The following HSD17B11 variants were observed in gnomAD, a reference collection of about 807,000 sequenced individuals.
HSD17B11 encodes estradiol 17-beta-dehydrogenase 11.
A neutral mutation model predicts 27.8 loss-of-function variants in HSD17B11; 22 were observed. That is an observed-to-expected ratio of 0.79 (90% CI 0.56 to 1.13). The LOEUF is 1.13. Ranked by LOEUF, HSD17B11 falls within the 50% of genes most tolerant of loss-of-function variation. The pLI is 0.00. For synonymous variants in HSD17B11, 117 were observed against 132.8 expected (o/e 0.88, Z 0.82); for missense variants, 314 against 351.1 (o/e 0.89, Z 0.84).
chr4:87,370,573 C>T (rs998860118), intron 4 of HSD17B11, among the ~76,000 whole-genome samples: 1 of 148,076 alleles, frequency 6.8e-6, no homozygotes, highest in Admixed American at 6.7e-5. Flanking sequence ...GTACCACACA[C>T]CCAGCTAATT....
chr4:87,358,024 C>T (rs1269009166), intron 4 of HSD17B11, among the ~76,000 whole-genome samples: 22 of 126,064 alleles, frequency 1.7e-4, no homozygotes, highest in African/African-American at 6.3e-4. Flanking sequence ...TGCGGTGGTG[C>T]GATCTCGGCT....
At chr4:87,337,946 G>A (rs1560756361) in intron 6 of HSD17B11, among the ~76,000 whole-genome samples, 1 of 152,214 alleles carries the variant, frequency 6.6e-6, no homozygotes, top group Non-Finnish European at 1.5e-5. Context: ...GGCCTGGCGT[G>A]GTGGCTCACG....
chr4:87,357,189 G>A, intron 5 of HSD17B11, 90 bp downstream of exon 5: 2 of 1,344,954 alleles, frequency 1.5e-6, no homozygotes, highest in Admixed American at 2.6e-5. Context: ...ACTATCAGGT[G>A]TTTTCAGGAT....
intron 4 of HSD17B11, among the ~76,000 whole-genome samples, chr4:87,358,249 C>T (rs1308681140): frequency 1.3e-5 from 2 of 152,160 alleles, no homozygotes; most frequent in Non-Finnish European, 2.9e-5. Flanking sequence ...GCGTGAGCCA[C>T]CACGCCCAGC....
chr4:87,340,149 A>G lies in HSD17B11; in HGVS notation c.812+341T>C, dbSNP rs144246615. The stretch of plus-strand genomic sequence containing the variant: ...TGTTGTATCTTTAAATAAATACCTA[A>G]AACCTAACTCTGGTCTCCTTTAATA... On this transcript the variant is annotated intron_variant, in intron 6 of 6. Coordinates refer to ENST00000358290, the MANE Select transcript of HSD17B11 (RefSeq NM_016245.5). Among the ~76,000 whole-genome samples, 659 of 152,322 alleles carry G rather than the reference A, an allele frequency of 4.3e-3. 4 individuals carry two copies. Among genetic ancestry groups the G allele is most frequent in the African/African-American group, 0.015 (624 of 41,568 alleles).
At chr4:87,346,336 G>C (rs1735269870) in intron 5 of HSD17B11, among the ~76,000 whole-genome samples, 1 of 152,166 alleles carries the variant, frequency 6.6e-6, no homozygotes, top group Admixed American at 6.5e-5. Context: ...GAGTAGCAAA[G>C]ATAGTAGGAT....
intron 6 of HSD17B11, 39 bp from the exon 7 acceptor site, chr4:87,337,405 A>G (rs1735074357): frequency 3.5e-6 from 4 of 1,137,466 alleles, no homozygotes; most frequent in Non-Finnish European, 5.3e-6. Context: ...GAAAATTAAT[A>G]TTAAGTGCAT....
chr4:87,388,811 T>C (rs1399887502), intron 1 of HSD17B11, among the ~76,000 whole-genome samples: 2 of 152,238 alleles, frequency 1.3e-5, no homozygotes, highest in Non-Finnish European at 2.9e-5. Flanking sequence ...GATAAATGCA[T>C]GTCACTGAAG....
intron 4 of HSD17B11, among the ~76,000 whole-genome samples, chr4:87,367,135 A>C (rs1305003262): frequency 6.6e-6 from 1 of 152,232 alleles, no homozygotes; most frequent in African/African-American, 2.4e-5. Context: ...TGTTTGTATA[A>C]GTGCAACAAA....
intron 1 of HSD17B11, among the ~76,000 whole-genome samples, chr4:87,385,042 T>C (rs528875743): frequency 8.9e-4 from 135 of 152,254 alleles, no homozygotes; most frequent in Non-Finnish European, 1.7e-3. Flanking sequence ...CATTGAAATA[T>C]TGGGGGCAGG....
chr4:87,346,046 G>T (rs180869383), intron 5 of HSD17B11, among the ~76,000 whole-genome samples: 20 of 152,058 alleles, frequency 1.3e-4, no homozygotes, highest in African/African-American at 4.8e-4. Flanking sequence ...CTCAACAAAA[G>T]ATTGGCAAAT....
intron 2 of HSD17B11, among the ~76,000 whole-genome samples, chr4:87,379,671 T>G (rs1720076588): frequency 7.0e-6 from 1 of 143,396 alleles, no homozygotes; most frequent in Non-Finnish European, 1.5e-5. Context: ...TATATATTAA[T>G]AGTATAATAT....
At chr4:87,367,926 T>C (rs1735638300) in intron 4 of HSD17B11, among the ~76,000 whole-genome samples, 1 of 152,260 alleles carries the variant, frequency 6.6e-6, no homozygotes, top group Admixed American at 6.5e-5. Flanking sequence ...ATGGAATATA[T>C]TGCTGTTATA....
chr4:87,354,111 C>A (rs11939415), intron 5 of HSD17B11, among the ~76,000 whole-genome samples: 26,593 of 152,068 alleles, frequency 0.17, 2,505 homozygotes, highest in African/African-American at 0.23. Flanking sequence ...ATTTTAAAGA[C>A]TGTTTGATAG....
chr4:87,378,942 A>T lies in HSD17B11; in HGVS notation c.318+3313T>A, dbSNP rs1414345961. ...TAAATATATATAAATATATATATAT[A>T]TATATTTATATATATATATTTTTTT... On this transcript the variant is annotated intron_variant, in intron 2 of 6. Transcript: ENST00000358290. 3.3e-3 allele frequency among the ~76,000 whole-genome samples: 64 copies of T among 19,204 alleles called. 2 individuals carry two copies. Among genetic ancestry groups the T allele is most frequent in the Middle Eastern group, 0.013 (1 of 76 alleles). 12.6% of individuals were successfully genotyped at this position (19,204 alleles called of 152,430 possible). A position where few individuals can be genotyped will look rare whatever the true frequency, so the allele number is the denominator to read the frequency against.
At chr4:87,372,651 GA>G in intron 4 of HSD17B11, 57 bp downstream of exon 4, 1 of 1,045,416 alleles carries the variant, frequency 9.6e-7, no homozygotes, top group Admixed American at 1.8e-5. Flanking sequence ...GACAGGGTAA[GA>G]AATCTCACAC....
intron 2 of HSD17B11, among the ~76,000 whole-genome samples, chr4:87,378,238 T>A (rs1735882697): frequency 6.6e-6 from 1 of 152,250 alleles, no homozygotes; most frequent in Non-Finnish European, 1.5e-5. Context: ...CTATTTTATA[T>A]TACCAAAGGA....
At chr4:87,378,905 AATATATATATATAAATATATATAAAT>A (rs1435431282) in intron 2 of HSD17B11, among the ~76,000 whole-genome samples, 620 of 12,322 alleles carry the variant, frequency 0.05, 82 homozygotes, top group Admixed American at 0.13. Context: ...AATATATATA[AATATATATATATAAATATATATAAAT>A]ATATATATAT....
In HSD17B11 at chr4:87,370,428, A is replaced by T. The variant is rs112590010; in HGVS notation, c.557+2281T>A. On this transcript the variant is annotated intron_variant, in intron 4 of 6. Transcript: ENST00000358290. ...GTTAGATATTATTATTATTATTATT[A>T]TTTTTTGAGACGAAGTCTCTCTCTG... Among the ~76,000 whole-genome samples the T allele has an allele frequency of 4.5e-3, 679 of 151,752 alleles. 18 individuals are homozygous for T. The highest frequency in any genetic ancestry group is 0.016 in the East Asian group (84 of 5,160).
Sources: allele counts gnomAD v4.1 joint callset (sites outside exome capture counted in the v4.1 genomes callset), GRCh38; gene constraint gnomAD v4.1.1; transcripts MANE v1.5; gene names NCBI Gene and HGNC (gene_info 2026-07-23, HGNC 2026-07-21).